The following SKA3 variants were observed in gnomAD, a reference collection of about 807,000 sequenced individuals.
SKA3 encodes spindle and kinetochore-associated protein 3.
A neutral mutation model predicts 44.2 loss-of-function variants in SKA3; 39 were observed. The observed-to-expected ratio is 0.88, with a 90% CI of 0.68 to 1.15. The LOEUF (loss-of-function observed/expected upper bound fraction) is 1.15. SKA3 is among the 50% of genes most tolerant of loss of function. The pLI, the probability that SKA3 is intolerant of heterozygous loss-of-function variation, is 0.00. For missense variants in SKA3, 511 were observed against 485.8 expected (o/e 1.05, Z -0.49); for synonymous variants, 192 against 172.0 (o/e 1.12, Z -0.91).
chr13:21,154,940 ATGAC>A lies in SKA3; in HGVS notation c.*206_*209del. ...AACACTAATAATCCTTAAAGAGTGAATGACTGGGCTACATGTCAACAAGACTAAG... is the reference window on the plus strand; with the variant it reads ...AACACTAATAATCCTTAAAGAGTGAATGGGCTACATGTCAACAAGACTAAG... On this transcript the variant is annotated 3_prime_UTR_variant, in exon 9 of 9. Transcript: ENST00000314759. The A allele has an allele frequency of 1.3e-6, 1 of 757,958 alleles. No individual in the cohort carries two copies. Among genetic ancestry groups the A allele is most frequent in the South Asian group, 1.8e-5 (1 of 54,392 alleles). 47.0% of individuals were successfully genotyped at this position (757,958 alleles called of 1,614,324 possible). A position where few individuals can be genotyped will look rare whatever the true frequency, so the allele number is the denominator to read the frequency against.
intron 2 of SKA3, 22 bp from the exon 3 acceptor site, chr13:21,172,526 C>T (rs1415828454): frequency 2.6e-6 from 4 of 1,537,084 alleles, no homozygotes; most frequent in Middle Eastern, 1.7e-4. Context: ...AAAGAAAGTA[C>T]ATTTTAATTT....
intron 6 of SKA3, 98 bp downstream of exon 6, chr13:21,159,804 C>A: frequency 1.5e-6 from 1 of 677,752 alleles, no homozygotes; most frequent in Non-Finnish European, 2.2e-6. Context: ...AAGCTGGATT[C>A]ATCCATGTCT....
intron 4 of SKA3, among the ~76,000 whole-genome samples, chr13:21,165,649 G>A (rs1182959897): frequency 6.6e-6 from 1 of 152,042 alleles, no homozygotes; most frequent in African/African-American, 2.4e-5. Flanking sequence ...CAAGAATGAT[G>A]TTAGGCTGGG....
At position 21,176,362 on chromosome 13, in the gene SKA3, C is replaced by T. The variant is rs749415997; in HGVS notation, c.103+13G>A. The T allele has an allele frequency of 2.3e-5, 27 of 1,188,970 alleles. No individual in the cohort carries two copies. The highest frequency in any genetic ancestry group is 2.9e-5 in the Non-Finnish European group (26 of 901,334). 73.7% of individuals were successfully genotyped at this position (1,188,970 alleles called of 1,614,324 possible). Reference sequence around the variant, plus strand: ...ACCCCACGCACCGTGCCCTGGCCGCCCGCCTCACGCACCGCTTTCCTCTCC... The same window carrying T: ...ACCCCACGCACCGTGCCCTGGCCGCTCGCCTCACGCACCGCTTTCCTCTCC... On this transcript the variant is annotated intron_variant, in intron 1 of 8. Transcript: ENST00000314759.
intron 4 of SKA3, among the ~76,000 whole-genome samples, chr13:21,167,647 T>G (rs868203025): frequency 6.6e-6 from 1 of 151,784 alleles, no homozygotes; most frequent in Non-Finnish European, 1.5e-5. Context: ...GGCGCCTGTA[T>G]TCCCAGCTAC....
chr13:21,165,042 T>A (rs1485803548), intron 4 of SKA3, among the ~76,000 whole-genome samples: 1 of 152,092 alleles, frequency 6.6e-6, no homozygotes, highest in Non-Finnish European at 1.5e-5. Context: ...TTTTATTTTT[T>A]AAATAATTTA....
chr13:21,172,537 C>A, intron 2 of SKA3, 33 bp from the exon 3 acceptor site: 1 of 1,530,636 alleles, frequency 6.5e-7, no homozygotes, highest in Non-Finnish European at 8.8e-7. Context: ...ATTTTAATTT[C>A]TCTAACTTCT....
chr13:21,167,265 C>T (rs1354525721), intron 4 of SKA3, among the ~76,000 whole-genome samples: 1 of 152,118 alleles, frequency 6.6e-6, no homozygotes, highest in Non-Finnish European at 1.5e-5. Context: ...TCCCCTTTTC[C>T]CATGTCTCCA....
Position 21,168,066 on chromosome 13 carries a change from T to A in SKA3, c.665A>T (p.His222Leu). ...CATAGTATATTCAGAGATACCAAAG[T>A]GTTCTAATTTAGGAGTTACACACTC... is the stretch of plus-strand genomic sequence containing the variant. ...DFECVTPKLE[H>L]FGISEYTMCL... The change falls in exon 4 of 9, where the codon CAC (histidine) becomes CTC (leucine). Residue 222 changes from histidine (H) to leucine (L), a missense_variant. Physicochemically the swap from His to Leu is moderately conservative, Grantham distance 99. Transcript: ENST00000314759. 1 of 1,613,888 alleles carries A rather than the reference T, an allele frequency of 6.2e-7. No homozygotes were observed. The highest frequency in any genetic ancestry group is 8.5e-7 in the Non-Finnish European group (1 of 1,179,918).
chr13:21,158,017 T>C lies in SKA3; in HGVS notation c.1024A>G (p.Thr342Ala). 1 of 1,613,526 alleles carries C rather than the reference T, an allele frequency of 6.2e-7. No homozygotes were observed. Among genetic ancestry groups the C allele is most frequent in the Non-Finnish European group, 8.5e-7 (1 of 1,179,498 alleles). Residue 342 changes from threonine to alanine, a missense_variant, in exon 7 of 9, where the codon ACA becomes GCA. Thr to Ala is a moderately conservative substitution (Grantham distance 58, BLOSUM62 0). Transcript: ENST00000314759. ...GAAATCGTAGGTGAAGAGGGATCTGTTAAATTCTCAAAGCATGTGTCTGAA... is the reference window on the plus strand; with the variant it reads ...GAAATCGTAGGTGAAGAGGGATCTGCTAAATTCTCAAAGCATGTGTCTGAA... ...LNSDTCFENL[T>A]DPSSPTISSY...
chr13:21,162,060 G>T (rs1273066527), intron 4 of SKA3, among the ~76,000 whole-genome samples, 185 bp from the exon 5 acceptor site: 1 of 152,096 alleles, frequency 6.6e-6, no homozygotes, highest in East Asian at 1.9e-4. Context: ...AAAGGTTAAG[G>T]ACCACTAAGT....
chr13:21,172,521 A>G lies in SKA3; in HGVS notation c.166-17T>C, dbSNP rs1401918805. 2.6e-6 allele frequency: 3 copies of G among 1,170,514 alleles called. No homozygotes were observed. The allele number at this position is 1,170,514 out of a possible 1,614,324, so 72.5% of individuals were successfully genotyped here. A position where few individuals can be genotyped will look rare whatever the true frequency, so the allele number is the denominator to read the frequency against. ...AACATCATCCTTTTATGAATAAAGAAAGTACATTTTAATTTCTCTAACTTC... is the reference window on the plus strand; with the variant it reads ...AACATCATCCTTTTATGAATAAAGAGAGTACATTTTAATTTCTCTAACTTC... On this transcript the variant is annotated splice_polypyrimidine_tract_variant and intron_variant, in intron 2 of 8. Transcript: ENST00000314759.
chr13:21,174,889 T>TAATTTGCATTTCCTTGATGACTAATGA (rs373303006), intron 1 of SKA3, among the ~76,000 whole-genome samples: 5 of 152,002 alleles, frequency 3.3e-5, no homozygotes, highest in Non-Finnish European at 7.4e-5. Context: ...CATTGAGATT[T>TAATTTGCATTTCCTTGATGACTAATGA]AATTTGCATT....
In SKA3 at chr13:21,168,166, C is replaced by T. The variant is rs1870829430; in HGVS notation, c.565G>A (p.Val189Ile). 3 of 1,614,064 alleles carry T rather than the reference C, an allele frequency of 1.9e-6. No homozygotes were observed. The highest frequency in any genetic ancestry group is 1.1e-5 in the South Asian group (1 of 91,066). ...AGTGATTGTTTGGTAGGTGGGGTTA[C>T]AATTACGGGCTCTTCCTTATAGTTG... The part of the protein sequence containing the change: ...VNNYKEEPVI[V>I]TPPTKQSLVK... The change falls in exon 4 of 9, where the codon GTA becomes ATA. Residue 189 changes from valine to isoleucine, a missense_variant. Coordinates refer to ENST00000314759, the MANE Select transcript of SKA3 (RefSeq NM_145061.6).
chr13:21,174,672 T>C (rs1871337138), intron 1 of SKA3, among the ~76,000 whole-genome samples: 1 of 152,096 alleles, frequency 6.6e-6, no homozygotes, highest in Admixed American at 6.6e-5. Flanking sequence ...ATGGTGCATG[T>C]ATACATATGT....
In SKA3 at chr13:21,153,686, TCA is replaced by T. The variant is rs1869927971; in HGVS notation, c.*1462_*1463del. 1 of 152,284 alleles carries T rather than the reference TCA, an allele frequency of 6.6e-6. No homozygotes were observed. The highest frequency in any genetic ancestry group is 1.5e-5 in the Non-Finnish European group (1 of 68,066). The allele number at this position is 152,284 out of a possible 1,614,324, so 9.4% of individuals were successfully genotyped here. A position where few individuals can be genotyped will look rare whatever the true frequency, so the allele number is the denominator to read the frequency against. On this transcript the variant is annotated 3_prime_UTR_variant, in exon 9 of 9. Transcript: ENST00000314759. ...ATACTTTCTTCCTACTTCACTGGCC[TCA>T]GTCTCCTTTGCTAGATTACTCTGCC...
chr13:21,168,136 T>C lies in SKA3; in HGVS notation c.595A>G (p.Lys199Glu). The change falls in exon 4 of 9, where the codon AAA becomes GAA. Residue 199 changes from lysine (K) to glutamate (E), a missense_variant. Physicochemically the swap from Lys to Glu is moderately conservative, Grantham distance 56 (BLOSUM62 1). Transcript: ENST00000314759. ...VTPPTKQSLV[K>E]VLKTPKCALK... ...GCACATTTTGGAGTTTTTAGTACTT[T>C]TACTAGTGATTGTTTGGTAGGTGGG... is the stretch of plus-strand genomic sequence containing the variant. 6.2e-7 allele frequency: 1 copy of C among 1,614,230 alleles called. No homozygotes were observed. Among genetic ancestry groups the C allele is most frequent in the Non-Finnish European group, 8.5e-7 (1 of 1,180,050 alleles).
At chr13:21,172,772 T>C (rs1308056667) in intron 1 of SKA3, 91 bp from the exon 2 acceptor site, 3 of 721,136 alleles carry the variant, frequency 4.2e-6, no homozygotes, top group African/African-American at 1.8e-5. Flanking sequence ...TACCTTATAA[T>C]GACATTGGTC....
In SKA3 at chr13:21,167,989, T is replaced by C; in HGVS notation, c.742A>G (p.Ser248Gly). ...ATGCCTTTTAACAGAGCTGCTTACC[T>C]TTTATTATTCCTCGCATTTTTAAGT... is the stretch of plus-strand genomic sequence containing the variant. ...MGLKNARNNKSEEAIDTESRL... is the reference protein window; with the variant it reads ...MGLKNARNNKGEEAIDTESRL... The change falls in exon 4 of 9, where the codon AGT becomes GGT. Residue 248 changes from serine to glycine, a missense_variant and splice_region_variant. Coordinates refer to ENST00000314759, the MANE Select transcript of SKA3 (RefSeq NM_145061.6). 1 of 1,569,848 alleles carries C rather than the reference T, an allele frequency of 6.4e-7. No individual in the cohort carries two copies. The highest frequency in any genetic ancestry group is 8.6e-7 in the Non-Finnish European group (1 of 1,158,118).
Sources: gnomAD v4.1 joint callset for allele counts (sites outside exome capture counted in the v4.1 genomes callset) on GRCh38, gnomAD v4.1.1 for gene constraint, MANE v1.5 for transcripts, NCBI Gene and HGNC (gene_info 2026-07-23, HGNC 2026-07-21) for gene names.